RBFOX1: variants seen among roughly 807,000 people sequenced by gnomAD.
RBFOX1 encodes the protein RNA binding protein fox-1 homolog 1.
RBFOX1 carries 8 observed loss-of-function variants against 57.7 expected under a neutral mutation model. The observed-to-expected ratio is 0.14, with a 90% CI of 0.08 to 0.25. The LOEUF is 0.25. Among genes scored for constraint, RBFOX1 ranks in the 10% least tolerant of loss-of-function variants. The probability of loss-of-function intolerance (pLI) is 1.00; values close to 1 mark genes in which losing one functional copy is unlikely to be tolerated. For missense variants in RBFOX1, 611 were observed against 548.5 expected (o/e 1.11, Z -1.14); for synonymous variants, 326 against 222.4 (o/e 1.47, Z -4.15).
rs142311986 is a variant in RBFOX1, at chr16:6,514,759, G to A, written c.-63-139844G>A. On this transcript the variant is annotated intron_variant, in intron 2 of 15. Coordinates refer to ENST00000550418, the MANE Select transcript of RBFOX1 (RefSeq NM_018723.4). ...ATGGTAATTATTCTTATTGTAATAA[G>A]GAGGAAGGGGTGGAGGAGAAAAAAG... 5.0e-3 allele frequency among the ~76,000 whole-genome samples: 757 copies of A among 152,074 alleles called. 22 individuals are homozygous for A. In the East Asian group the frequency reaches 0.094, roughly 19 times the overall value.
intron 2 of RBFOX1, among the ~76,000 whole-genome samples, chr16:6,437,820 A>G (rs555550129): frequency 3.9e-5 from 6 of 152,296 alleles, no homozygotes; most frequent in African/African-American, 1.4e-4. Context: ...ATTCATTATC[A>G]GGAGAACAGC....
intron 2 of RBFOX1, among the ~76,000 whole-genome samples, chr16:6,433,619 C>G (rs1473273602): frequency 6.6e-6 from 1 of 152,144 alleles, no homozygotes; most frequent in African/African-American, 2.4e-5. Context: ...TTCTAGAGAT[C>G]AGATGTCTGG....
intron 3 of RBFOX1, among the ~76,000 whole-genome samples, chr16:5,706,859 G>A (rs2051267893): frequency 6.6e-6 from 1 of 151,954 alleles, no homozygotes; most frequent in Non-Finnish European, 1.5e-5. Context: ...TTTTTTTGGT[G>A]TAGGAGGATA....
intron 4 of RBFOX1, among the ~76,000 whole-genome samples, chr16:6,014,008 T>C (rs2094978064): frequency 6.6e-6 from 1 of 152,034 alleles, no homozygotes; most frequent in Admixed American, 6.6e-5. Context: ...ATACACCTAA[T>C]GTTAAATGAC....
chr16:6,895,170 C>G (rs925385957), intron 3 of RBFOX1, among the ~76,000 whole-genome samples: 2 of 151,916 alleles, frequency 1.3e-5, no homozygotes, highest in East Asian at 1.9e-4. Context: ...TCTATATTAA[C>G]AAAATCCTCT....
intron 3 of RBFOX1, among the ~76,000 whole-genome samples, chr16:6,711,366 T>C (rs989416511): frequency 1.3e-5 from 2 of 152,154 alleles, no homozygotes; most frequent in Non-Finnish European, 2.9e-5. Context: ...CCTACCAACT[T>C]TGTCATCTGG....
intron 4 of RBFOX1, among the ~76,000 whole-genome samples, chr16:7,067,683 C>G (rs1244730616): frequency 2.5e-5 from 3 of 119,402 alleles, no homozygotes; most frequent in African/African-American, 9.3e-5. Flanking sequence ...TATCCCTCCC[C>G]CGTCCCCCCA....
intron 4 of RBFOX1, among the ~76,000 whole-genome samples, chr16:7,117,941 A>T (rs1363046694): frequency 2.0e-5 from 3 of 152,168 alleles, no homozygotes; most frequent in Admixed American, 2.0e-4. Context: ...AGAGACAGAG[A>T]GGGAGAGAGA....
chr16:6,939,327 G>A (rs891889258), intron 3 of RBFOX1, among the ~76,000 whole-genome samples: 1 of 151,816 alleles, frequency 6.6e-6, no homozygotes, highest in African/African-American at 2.4e-5. Flanking sequence ...AAATTACCTA[G>A]AGTCACAAAT....
At chr16:6,216,201 C>G (rs146503697) in intron 1 of RBFOX1, among the ~76,000 whole-genome samples, 1 of 151,974 alleles carries the variant, frequency 6.6e-6, no homozygotes, top group Admixed American at 6.6e-5. Flanking sequence ...TACCTGGGTG[C>G]TGAAATAATC....
intron 1 of RBFOX1, among the ~76,000 whole-genome samples, chr16:5,355,722 G>T (rs1450289237): frequency 2.0e-5 from 3 of 152,180 alleles, no homozygotes; most frequent in Non-Finnish European, 4.4e-5. Context: ...GGTCTTTACA[G>T]ATATAATAAA....
At chr16:6,899,213 G>T (rs925679596) in intron 3 of RBFOX1, among the ~76,000 whole-genome samples, 9 of 148,202 alleles carry the variant, frequency 6.1e-5, no homozygotes, top group Non-Finnish European at 1.3e-4. Context: ...GTGTATATGT[G>T]TGTGTATGTG....
At chr16:6,280,022 G>T (rs532653574) in intron 1 of RBFOX1, among the ~76,000 whole-genome samples, 2 of 152,046 alleles carry the variant, frequency 1.3e-5, no homozygotes, top group Non-Finnish European at 2.9e-5. Flanking sequence ...TCCTAAGCAG[G>T]TTAGAAATAT....
chr16:6,341,621 C>G (rs926254048), intron 2 of RBFOX1, among the ~76,000 whole-genome samples: 2 of 151,942 alleles, frequency 1.3e-5, no homozygotes, highest in South Asian at 2.1e-4. Context: ...TATCACAAAC[C>G]CTGATAGTAA....
At chr16:7,605,992 G>A (rs572443349) in intron 9 of RBFOX1, among the ~76,000 whole-genome samples, 2 of 151,948 alleles carry the variant, frequency 1.3e-5, no homozygotes, top group East Asian at 3.9e-4. Flanking sequence ...ATTTTTAGTA[G>A]AGTCAAGGTT....
chr16:6,210,892 C>G (rs2097292336), intron 1 of RBFOX1, among the ~76,000 whole-genome samples: 1 of 152,118 alleles, frequency 6.6e-6, no homozygotes, highest in Non-Finnish European at 1.5e-5. Flanking sequence ...CAGCTGATAC[C>G]ACTTTCTCTT....
intron 3 of RBFOX1, among the ~76,000 whole-genome samples, chr16:6,771,065 GC>G (rs2078210328): frequency 6.6e-6 from 1 of 152,140 alleles, no homozygotes; most frequent in Admixed American, 6.6e-5. Context: ...ATTAGGTTGG[GC>G]CCGAATCCAG....
chr16:6,624,732 G>C (rs2098279772), intron 2 of RBFOX1, among the ~76,000 whole-genome samples: 1 of 152,108 alleles, frequency 6.6e-6, no homozygotes, highest in Non-Finnish European at 1.5e-5. Flanking sequence ...GAAGAAAAAG[G>C]CTGGAAACTC....
chr16:6,862,599 C>T (rs578012855), intron 3 of RBFOX1, among the ~76,000 whole-genome samples: 29 of 152,176 alleles, frequency 1.9e-4, no homozygotes, highest in African/African-American at 6.3e-4. Context: ...ATGTTACAGG[C>T]AGAGGAAGTG....
Sources: gnomAD v4.1 joint callset for allele counts (sites outside exome capture counted in the v4.1 genomes callset) on GRCh38, gnomAD v4.1.1 for gene constraint, MANE v1.5 for transcripts, NCBI Gene and HGNC (gene_info 2026-07-23, HGNC 2026-07-21) for gene names.